Variants in GRID2 observed in about 807,000 individuals in gnomAD.
GRID2 encodes the protein glutamate receptor ionotropic, delta-2.
A neutral mutation model predicts 114.8 loss-of-function variants in GRID2; 33 were observed. That is an observed-to-expected ratio of 0.29 (90% CI 0.22 to 0.38). The LOEUF (loss-of-function observed/expected upper bound fraction) is 0.38, where lower values mean the gene tolerates loss of function less well. Among genes scored for constraint, GRID2 ranks in the 10% least tolerant of loss-of-function variants. The pLI is 1.00. For synonymous variants in GRID2, 505 were observed against 449.9 expected (o/e 1.12, Z -1.55); for missense variants, 1,184 against 1,257.7 (o/e 0.94, Z 0.89).
chr4:93,697,565 T>C (rs1727126044), intron 14 of GRID2, among the ~76,000 whole-genome samples: 1 of 152,020 alleles, frequency 6.6e-6, no homozygotes, highest in African/African-American at 2.4e-5. Flanking sequence ...CATATTTTAA[T>C]TTACTGTCCA....
chr4:93,060,669 T>C (rs1174815636), intron 2 of GRID2, among the ~76,000 whole-genome samples: 1 of 152,204 alleles, frequency 6.6e-6, no homozygotes, highest in Non-Finnish European at 1.5e-5. Context: ...CACATATATT[T>C]TTACTTTTGC....
intron 1 of GRID2, among the ~76,000 whole-genome samples, chr4:92,451,783 G>T (rs912521941): frequency 2.6e-5 from 4 of 152,004 alleles, no homozygotes; most frequent in Admixed American, 1.3e-4. Context: ...TAGGCAGAAG[G>T]GTATGTTCAC....
At chr4:92,893,051 A>G (rs1000892274) in intron 2 of GRID2, among the ~76,000 whole-genome samples, 4 of 152,204 alleles carry the variant, frequency 2.6e-5, no homozygotes, top group African/African-American at 7.2e-5. Context: ...TTGAAAATCA[A>G]TGTTGAATGT....
intron 2 of GRID2, among the ~76,000 whole-genome samples, chr4:92,611,932 A>G (rs1729766952): frequency 6.6e-6 from 1 of 151,410 alleles, no homozygotes; most frequent in Non-Finnish European, 1.5e-5. Flanking sequence ...AGTATCTTCT[A>G]CTAGTCCATG....
At chr4:93,417,250 T>C (rs184613438) in intron 9 of GRID2, among the ~76,000 whole-genome samples, 3 of 152,182 alleles carry the variant, frequency 2.0e-5, no homozygotes, top group Admixed American at 2.0e-4. Context: ...TAATCCCCTC[T>C]CTTGTAATAA....
At chr4:92,988,765 T>C (rs1754662544) in intron 2 of GRID2, among the ~76,000 whole-genome samples, 1 of 152,136 alleles carries the variant, frequency 6.6e-6, no homozygotes, top group Non-Finnish European at 1.5e-5. Flanking sequence ...CTAACAATAA[T>C]ATGATAAATA....
At chr4:92,819,410 TG>T (rs1741122695) in intron 2 of GRID2, among the ~76,000 whole-genome samples, 1 of 152,164 alleles carries the variant, frequency 6.6e-6, no homozygotes, top group South Asian at 2.1e-4. Flanking sequence ...GGCACATGTA[TG>T]GGGGCGGCAT....
At chr4:92,785,146 T>A (rs1455375107) in intron 2 of GRID2, among the ~76,000 whole-genome samples, 1 of 150,762 alleles carries the variant, frequency 6.6e-6, no homozygotes, top group Non-Finnish European at 1.5e-5. Flanking sequence ...CTCATGCATT[T>A]CCAGACAAAA....
chr4:92,711,189 G>T (rs529578264), intron 2 of GRID2, among the ~76,000 whole-genome samples: 3 of 152,002 alleles, frequency 2.0e-5, no homozygotes, highest in Non-Finnish European at 4.4e-5. Context: ...ATTTTAAAAT[G>T]AAGTATGTAT....
At chr4:93,770,008 G>T (rs1371361) in intron 15 of GRID2, among the ~76,000 whole-genome samples, 126,218 of 152,112 alleles carry the variant, frequency 0.83, 52,807 homozygotes, top group East Asian at 0.97. Flanking sequence ...AAATTTCAAT[G>T]TTTCTCCTTT....
At chr4:92,644,100 C>T (rs1384796890) in intron 2 of GRID2, among the ~76,000 whole-genome samples, 2 of 151,468 alleles carry the variant, frequency 1.3e-5, no homozygotes, top group African/African-American at 4.8e-5. Context: ...GATTGTGTTG[C>T]TTATAAAAAA....
intron 13 of GRID2, among the ~76,000 whole-genome samples, chr4:93,518,952 G>A (rs887620255): frequency 1.3e-5 from 2 of 152,120 alleles, no homozygotes; most frequent in Non-Finnish European, 2.9e-5. Context: ...TGGAGGTAGA[G>A]AGCAGATGAA....
chr4:92,527,891 T>G (rs1005375214), intron 1 of GRID2, among the ~76,000 whole-genome samples: 1 of 152,074 alleles, frequency 6.6e-6, no homozygotes, highest in East Asian at 1.9e-4. Context: ...AACAACATAG[T>G]TATTGATCAC....
intron 9 of GRID2, among the ~76,000 whole-genome samples, chr4:93,408,869 G>A (rs911803027): frequency 6.6e-6 from 1 of 151,834 alleles, no homozygotes; most frequent in Admixed American, 6.6e-5. Flanking sequence ...GTTTCCCACC[G>A]TGCTTCATAA....
intron 2 of GRID2, among the ~76,000 whole-genome samples, chr4:92,916,828 G>A (rs939452538): frequency 6.6e-6 from 1 of 152,128 alleles, no homozygotes; most frequent in Non-Finnish European, 1.5e-5. Flanking sequence ...ATAGCTGTGT[G>A]TGTGTGTCTT....
intron 4 of GRID2, among the ~76,000 whole-genome samples, chr4:93,115,532 T>C (rs1733160508): frequency 6.6e-6 from 1 of 152,154 alleles, no homozygotes; most frequent in Non-Finnish European, 1.5e-5. Flanking sequence ...TACGATGTGT[T>C]CCTAATAATA....
intron 1 of GRID2, among the ~76,000 whole-genome samples, chr4:92,364,025 T>C (rs181220759): frequency 6.6e-6 from 1 of 152,064 alleles, no homozygotes; most frequent in East Asian, 1.9e-4. Flanking sequence ...TTCACCATGT[T>C]GCCCAGGCTG....
Position 93,270,820 on chromosome 4 carries a change from G to T in GRID2, c.1245+32330G>T, listed in dbSNP as rs189751185. Among the ~76,000 whole-genome samples the T allele has an allele frequency of 3.4e-4, 51 of 152,086 alleles. No individual in the cohort carries two copies. In the East Asian group the frequency reaches 7.8e-3, roughly 23 times the overall value. On this transcript the variant is annotated intron_variant, in intron 8 of 15. Transcript: ENST00000282020. Reference sequence around the variant, plus strand: ...ATTTTTGTATGTTTAGTAGAGACAGGGTTTTACCATGTTGGCCAGGCTGGT... The same window carrying T: ...ATTTTTGTATGTTTAGTAGAGACAGTGTTTTACCATGTTGGCCAGGCTGGT...
At chr4:92,846,608 C>T (rs1426873909) in intron 2 of GRID2, among the ~76,000 whole-genome samples, 1 of 152,074 alleles carries the variant, frequency 6.6e-6, no homozygotes, top group Admixed American at 6.6e-5. Flanking sequence ...TTCTTGGACT[C>T]CTGTGCTCCT....
Sources: gnomAD v4.1 joint callset for allele counts (sites outside exome capture counted in the v4.1 genomes callset) on GRCh38, gnomAD v4.1.1 for gene constraint, MANE v1.5 for transcripts, NCBI Gene and HGNC (gene_info 2026-07-23, HGNC 2026-07-21) for gene names.